The following TAOK1 variants were observed in gnomAD, a reference collection of about 807,000 sequenced individuals.
TAOK1 encodes serine/threonine-protein kinase TAO1.
In TAOK1, 21 loss-of-function variants were observed where a neutral mutation model predicts 138.3. That is an observed-to-expected ratio of 0.15 (90% CI 0.11 to 0.22). The LOEUF (loss-of-function observed/expected upper bound fraction) is 0.22. TAOK1 is among the 10% of genes least tolerant of loss of function. TAOK1 has a pLI of 1.00. For synonymous variants in TAOK1, 361 were observed against 398.4 expected (o/e 0.91, Z 1.12); for missense variants, 651 against 1,227.7 (o/e 0.53, Z 7.02).
intron 1 of TAOK1, among the ~76,000 whole-genome samples, chr17:29,450,364 G>A (rs1366039574): frequency 6.6e-6 from 1 of 152,166 alleles, no homozygotes; most frequent in Non-Finnish European, 1.5e-5. Flanking sequence ...TTGGATTACA[G>A]ATGTGAACTT....
chr17:29,523,570 G>A (rs1042775437), intron 17 of TAOK1, among the ~76,000 whole-genome samples: 29 of 152,056 alleles, frequency 1.9e-4, no homozygotes, highest in Admixed American at 1.2e-3. Flanking sequence ...TGTATTTTTA[G>A]TAGAGACGGG....
In TAOK1 at chr17:29,534,096, TC is replaced by T. The variant is rs376817716; in HGVS notation, c.2362-21del. ...AACATTAGGATATATCTTTTTTTTT[TC>T]TCTCTCTCTCTCTGTCTCAGCTGCG... is the stretch of plus-strand genomic sequence containing the variant. On this transcript the variant is annotated intron_variant, in intron 18 of 19. Transcript: ENST00000261716. The T allele has an allele frequency of 2.0e-3, 1,556 of 765,992 alleles. 3 individuals are homozygous for T. Among genetic ancestry groups the T allele is most frequent in the African/African-American group, 0.011 (582 of 54,822 alleles). The allele number at this position is 765,992 out of a possible 1,614,324, so 47.4% of individuals were successfully genotyped here.
Position 29,535,547 on chromosome 17 carries a change from C to T in TAOK1, c.2544+1247C>T, listed in dbSNP as rs2032207182. On this transcript the variant is annotated intron_variant, in intron 19 of 19. Coordinates refer to ENST00000261716, the MANE Select transcript of TAOK1 (RefSeq NM_020791.4). ...AGTTCCTGTGATAAAAATAGAATGC[C>T]TTATTAAAGTAAAAAATATCTTTTA... Among the ~76,000 whole-genome samples, 5 of 152,030 alleles carry T rather than the reference C, an allele frequency of 3.3e-5. No homozygotes were observed. The South Asian group carries it at 8.3e-4, about 25-fold the overall frequency.
At chr17:29,462,991 G>A (rs569437359) in intron 2 of TAOK1, among the ~76,000 whole-genome samples, 2 of 152,168 alleles carry the variant, frequency 1.3e-5, no homozygotes, top group African/African-American at 4.8e-5. Context: ...GTTCTACACA[G>A]TGTTTTATTA....
At chr17:29,421,739 C>T (rs1255583950) in intron 1 of TAOK1, among the ~76,000 whole-genome samples, 1 of 152,042 alleles carries the variant, frequency 6.6e-6, no homozygotes, top group Non-Finnish European at 1.5e-5. Flanking sequence ...GCTGGAACCA[C>T]ATGCACATGC....
intron 3 of TAOK1, among the ~76,000 whole-genome samples, chr17:29,472,106 A>T (rs2030831916): frequency 6.6e-6 from 1 of 152,150 alleles, no homozygotes; most frequent in Admixed American, 6.6e-5. Flanking sequence ...CACTTATTGC[A>T]AACTCCTGAT....
At chr17:29,415,206 C>A (rs1467654226) in intron 1 of TAOK1, among the ~76,000 whole-genome samples, 2 of 151,872 alleles carry the variant, frequency 1.3e-5, no homozygotes, top group South Asian at 4.2e-4. Context: ...TGAGCTCAAG[C>A]GATCCACCTG....
At chr17:29,505,737 C>T (rs1598512504) in intron 13 of TAOK1, among the ~76,000 whole-genome samples, 2 of 151,852 alleles carry the variant, frequency 1.3e-5, no homozygotes, top group African/African-American at 4.8e-5. Context: ...AGTTCAAGAC[C>T]AGCCTGGCCA....
At chr17:29,534,928 G>GGTGTGTGTGTGTGTGT (rs71138832) in intron 19 of TAOK1, among the ~76,000 whole-genome samples, 6 of 147,322 alleles carry the variant, frequency 4.1e-5, no homozygotes, top group Non-Finnish European at 6.0e-5. Context: ...AGGATACTAA[G>GGTGTGTGTGTGTGTGT]GTGTGTGTGT....
chr17:29,431,680 C>G (rs879327761), intron 1 of TAOK1, among the ~76,000 whole-genome samples: 3 of 151,918 alleles, frequency 2.0e-5, no homozygotes, highest in African/African-American at 4.8e-5. Flanking sequence ...GCTCTTGTCA[C>G]CCAGGCTGGA....
chr17:29,395,019 A>T (rs1453132109), intron 1 of TAOK1, among the ~76,000 whole-genome samples: 1 of 152,108 alleles, frequency 6.6e-6, no homozygotes, highest in Non-Finnish European at 1.5e-5. Flanking sequence ...AGGCTGGAGG[A>T]TCACTTGAGC....
chr17:29,437,750 T>TC (rs1383227361), intron 1 of TAOK1, among the ~76,000 whole-genome samples: 2 of 150,050 alleles, frequency 1.3e-5, no homozygotes, highest in African/African-American at 4.9e-5. Flanking sequence ...TTTTTTTTTT[T>TC]TGAGATGGAG....
At chr17:29,475,841 C>G in intron 4 of TAOK1, 70 bp downstream of exon 4, 2 of 1,147,414 alleles carry the variant, frequency 1.7e-6, no homozygotes, top group Non-Finnish European at 2.6e-6. Context: ...TTCAGAATAT[C>G]TCATACTGGT....
chr17:29,497,332 C>A (rs2031434007), intron 11 of TAOK1, among the ~76,000 whole-genome samples: 1 of 151,896 alleles, frequency 6.6e-6, no homozygotes, highest in Non-Finnish European at 1.5e-5. Context: ...ATTTTTAGTT[C>A]TTAATGATAG....
chr17:29,404,652 C>T (rs774545446), intron 1 of TAOK1, among the ~76,000 whole-genome samples: 2 of 151,936 alleles, frequency 1.3e-5, no homozygotes, highest in Non-Finnish European at 2.9e-5. Flanking sequence ...TAGCCAAGTA[C>T]GGTGGCATGT....
At chr17:29,510,761 G>T in intron 14 of TAOK1, 103 bp from the exon 15 acceptor site, 1 of 847,524 alleles carries the variant, frequency 1.2e-6, no homozygotes, top group South Asian at 3.4e-5. Context: ...TGTTTCTAAT[G>T]ATTTCTTGTT....
At chr17:29,391,724 T>G (rs989853314) in intron 1 of TAOK1, among the ~76,000 whole-genome samples, 1 of 152,208 alleles carries the variant, frequency 6.6e-6, no homozygotes, top group Non-Finnish European at 1.5e-5. Context: ...GTATCTGTTC[T>G]GGTGTTATTG....
At position 29,465,837 on chromosome 17, in the gene TAOK1, CTTTTTTTTTTTTTT is replaced by C. The variant is rs3058623; in HGVS notation, c.133-1294_133-1281del. Among the ~76,000 whole-genome samples, 13 of 45,454 alleles carry C rather than the reference CTTTTTTTTTTTTTT, an allele frequency of 2.9e-4. No individual in the cohort carries two copies. In the East Asian group the frequency reaches 5.3e-3, roughly 18 times the overall value. The allele number at this position is 45,454 out of a possible 152,430, so 29.8% of individuals were successfully genotyped here. A position where few individuals can be genotyped will look rare whatever the true frequency, so the allele number is the denominator to read the frequency against. ...AAGAGTTAACTGTCAAGTTTCTGTG[CTTTTTTTTTTTTTT>C]TTTTTTTTTTTTTCAGATTTTCCAC... On this transcript the variant is annotated intron_variant, in intron 2 of 19. Coordinates refer to ENST00000261716, the MANE Select transcript of TAOK1 (RefSeq NM_020791.4).
chr17:29,498,618 T>G, intron 12 of TAOK1, 97 bp downstream of exon 12: 2 of 1,428,886 alleles, frequency 1.4e-6, no homozygotes, highest in South Asian at 2.5e-5. Flanking sequence ...TAAGGAAGTT[T>G]CCCGAAGTTT....
Sources: gnomAD v4.1 joint callset for allele counts (sites outside exome capture counted in the v4.1 genomes callset) on GRCh38, gnomAD v4.1.1 for gene constraint, MANE v1.5 for transcripts, NCBI Gene and HGNC (gene_info 2026-07-23, HGNC 2026-07-21) for gene names.